PDE1A: variants seen among roughly 807,000 people sequenced by gnomAD.
PDE1A encodes phosphodiesterase 1A.
In PDE1A, 35 loss-of-function variants were observed where a neutral mutation model predicts 61.7. The observed-to-expected ratio is 0.57, with a 90% confidence interval of 0.43 to 0.75. The LOEUF is 0.75. PDE1A is among the 30% of genes least tolerant of loss of function. PDE1A has a pLI of 0.00. For missense variants in PDE1A, 597 were observed against 630.6 expected (o/e 0.95, Z 0.57); for synonymous variants, 232 against 213.2 (o/e 1.09, Z -0.77).
chr2:182,460,181 G>T (rs1445950645), intron 2 of PDE1A, among the ~76,000 whole-genome samples: 1 of 151,992 alleles, frequency 6.6e-6, no homozygotes, highest in Admixed American at 6.6e-5. Context: ...TCCAACTATT[G>T]TTATCTTTGT....
At chr2:182,169,050 T>G (rs1372496011) in intron 13 of PDE1A, among the ~76,000 whole-genome samples, 1 of 142,690 alleles carries the variant, frequency 7.0e-6, no homozygotes, top group Non-Finnish European at 1.5e-5. Flanking sequence ...TATAATGCTA[T>G]TTTTTATAAT....
At chr2:182,530,179 A>C in the PDE1A span, among the ~76,000 whole-genome samples, 8 of 152,320 alleles carry the variant, frequency 5.3e-5, no homozygotes, top group African/African-American at 1.7e-4. Flanking sequence ...AAAGCAGACA[A>C]AATATATTGT....
chr2:182,280,926 C>T lies in PDE1A; in HGVS notation c.54-16512G>A, dbSNP rs147476989. ...TGATGTACCTAAATAACTGCACAAACTAACAATGACGAAACAGATAAGTTA... is the reference window on the plus strand; with the variant it reads ...TGATGTACCTAAATAACTGCACAAATTAACAATGACGAAACAGATAAGTTA... On this transcript the variant is annotated intron_variant, in intron 1 of 13. Coordinates refer to ENST00000351439, the Ensembl canonical transcript of PDE1A. 4.3e-3 allele frequency among the ~76,000 whole-genome samples: 649 copies of T among 151,958 alleles called. 2 individuals are homozygous for T. The highest frequency in any genetic ancestry group is 6.8e-3 in the Middle Eastern group (2 of 292).
the PDE1A span, among the ~76,000 whole-genome samples, chr2:182,548,741 A>C: frequency 6.6e-6 from 1 of 152,260 alleles, no homozygotes; most frequent in South Asian, 2.1e-4. Context: ...CAACACTAGT[A>C]TATTTTCCCC....
At chr2:182,526,681 A>G (rs1690777970), upstream of PDE1A, among the ~76,000 whole-genome samples, 1 of 152,232 alleles carries the variant, frequency 6.6e-6, no homozygotes, top group African/African-American at 2.4e-5. Flanking sequence ...GCAAAACTTA[A>G]AATGATCTTG....
chr2:182,367,223 A>G (rs989248054), intron 1 of PDE1A, among the ~76,000 whole-genome samples: 30 of 152,160 alleles, frequency 2.0e-4, no homozygotes, highest in Non-Finnish European at 2.7e-4. Context: ...GTTTAATATT[A>G]GGGCTCTTTT....
At chr2:182,148,212 A>G (rs1690596695) in intron 13 of PDE1A, among the ~76,000 whole-genome samples, 1 of 152,212 alleles carries the variant, frequency 6.6e-6, no homozygotes, top group Non-Finnish European at 1.5e-5. Flanking sequence ...AAACATCGTC[A>G]AACAAAGATA....
intron 13 of PDE1A, among the ~76,000 whole-genome samples, chr2:182,151,296 G>C (rs1690766535): frequency 6.6e-6 from 1 of 152,042 alleles, no homozygotes; most frequent in Non-Finnish European, 1.5e-5. Flanking sequence ...ATAGACACAG[G>C]TTTCACCATT....
intron 1 of PDE1A, among the ~76,000 whole-genome samples, chr2:182,285,050 A>T (rs1434034092): frequency 6.6e-6 from 1 of 152,074 alleles, no homozygotes; most frequent in Admixed American, 6.6e-5. Flanking sequence ...ATACTCTTGT[A>T]CTTTCTCTTC....
chr2:182,475,753 AC>A (rs755876411), intron 2 of PDE1A, among the ~76,000 whole-genome samples: 9 of 151,898 alleles, frequency 5.9e-5, no homozygotes, highest in Non-Finnish European at 1.2e-4. Flanking sequence ...ACTCATTAAA[AC>A]TGTTTTATCA....
chr2:182,499,348 T>C (rs1446278933), intron 2 of PDE1A, among the ~76,000 whole-genome samples: 3 of 152,026 alleles, frequency 2.0e-5, no homozygotes, highest in Non-Finnish European at 4.4e-5. Context: ...CGCTAATTTT[T>C]TGTATTTTCA....
chr2:182,190,739 C>T (rs925691178), intron 10 of PDE1A, among the ~76,000 whole-genome samples: 2 of 152,028 alleles, frequency 1.3e-5, no homozygotes, highest in Non-Finnish European at 2.9e-5. Context: ...AGATGGATCA[C>T]GAAGTCAGGA....
chr2:182,696,232 A>C, the PDE1A span, among the ~76,000 whole-genome samples: 1 of 152,260 alleles, frequency 6.6e-6, no homozygotes, highest in Non-Finnish European at 1.5e-5. Context: ...TAGTAGATGA[A>C]TGAGGAAATA....
chr2:182,626,826 C>T, the PDE1A span, among the ~76,000 whole-genome samples: 2 of 10,974 alleles, frequency 1.8e-4, no homozygotes, highest in South Asian at 3.1e-3. Flanking sequence ...TATATATATA[C>T]ATATATATAT....
At chr2:182,292,959 TA>T (rs1455166917) in intron 1 of PDE1A, among the ~76,000 whole-genome samples, 2 of 152,072 alleles carry the variant, frequency 1.3e-5, no homozygotes, top group African/African-American at 4.8e-5. Context: ...ATATCATACA[TA>T]AAAAGTAACT....
chr2:182,426,765 T>A, exon 1 of PDE1A: 1 of 1,493,602 alleles, frequency 6.7e-7, no homozygotes, highest in Non-Finnish European at 8.9e-7. Context: ...TCTTTTTGGG[T>A]GCTGGGAGAA....
the PDE1A span, among the ~76,000 whole-genome samples, chr2:182,710,857 C>A: frequency 1.3e-5 from 2 of 152,190 alleles, no homozygotes; most frequent in Non-Finnish European, 2.9e-5. Context: ...TTCTCCACAT[C>A]TATGCTAACT....
At chr2:182,529,211 G>A in the PDE1A span, among the ~76,000 whole-genome samples, 1 of 152,192 alleles carries the variant, frequency 6.6e-6, no homozygotes, top group African/African-American at 2.4e-5. Context: ...AGAGCCACAG[G>A]GGCAGAGCTG....
chr2:182,513,076 A>T (rs1205407272), intron 2 of PDE1A, among the ~76,000 whole-genome samples: 2 of 152,212 alleles, frequency 1.3e-5, no homozygotes, highest in African/African-American at 4.8e-5. Context: ...AGAGGTTGAC[A>T]TTCAAATTCA....
Sources: gnomAD v4.1 joint callset for allele counts (sites outside exome capture counted in the v4.1 genomes callset) on GRCh38, gnomAD v4.1.1 for gene constraint, MANE v1.5 for transcripts, NCBI Gene and HGNC (gene_info 2026-07-23, HGNC 2026-07-21) for gene names.